OSGIN2: variants seen among roughly 807,000 people sequenced by gnomAD.
The protein encoded by OSGIN2 is oxidative stress-induced growth inhibitor 2.
OSGIN2 carries 19 observed loss-of-function variants against 53.8 expected under a neutral mutation model. That is an observed-to-expected ratio of 0.35 (90% confidence interval 0.25 to 0.52). The LOEUF (loss-of-function observed/expected upper bound fraction) is 0.52, where lower values mean the gene tolerates loss of function less well. Ranked by LOEUF, OSGIN2 falls within the 20% of genes least tolerant of loss-of-function variation. The pLI is 0.95. For synonymous variants in OSGIN2, 236 were observed against 236.0 expected, an observed-to-expected ratio of 1.00 and a Z score of 0.00; for missense variants, 520 against 662.7, an observed-to-expected ratio of 0.78 and a Z score of 2.36.
chr8:89,927,257 T>C lies in OSGIN2; in HGVS notation c.*1725T>C, dbSNP rs1470230387. ...CTTGTGTCTCAAAAGTCCACAGTTATTCAAACAATGGCTTTTTTTGTGATG... is the reference window on the plus strand; with the variant it reads ...CTTGTGTCTCAAAAGTCCACAGTTACTCAAACAATGGCTTTTTTTGTGATG... On this transcript the variant is annotated 3_prime_UTR_variant, in exon 6 of 6. Coordinates refer to ENST00000451899, the MANE Select transcript of OSGIN2 (RefSeq NM_001126111.3). The C allele has an allele frequency of 6.6e-6, 1 of 151,556 alleles. No homozygotes were observed. The highest frequency in any genetic ancestry group is 6.6e-5 in the Admixed American group (1 of 15,220). The allele number at this position is 151,556 out of a possible 1,614,324, so 9.4% of individuals were successfully genotyped here.
chr8:89,921,019 A>C (rs1054365597), intron 4 of OSGIN2, 61 bp from the exon 5 acceptor site: 4 of 1,019,960 alleles, frequency 3.9e-6, no homozygotes, highest in African/African-American at 3.2e-5. Context: ...AAAACAGACC[A>C]AAAAAAACCA....
intron 2 of OSGIN2, 82 bp from the exon 3 acceptor site, chr8:89,913,995 C>G: frequency 8.8e-7 from 1 of 1,135,322 alleles, no homozygotes; most frequent in Non-Finnish European, 1.3e-6. Flanking sequence ...AGAAAAGAGC[C>G]ATCTTCAAAG....
intron 2 of OSGIN2, 75 bp from the exon 3 acceptor site, chr8:89,914,001 CA>C (rs1809024173): frequency 1.6e-6 from 2 of 1,271,410 alleles, no homozygotes; most frequent in Non-Finnish European, 2.2e-6. Flanking sequence ...GAGCCATCTT[CA>C]AAGTAGGACA....
At chr8:89,921,411 G>T in intron 5 of OSGIN2, 8 of 380,196 alleles carry the variant, frequency 2.1e-5, no homozygotes, top group Admixed American at 8.5e-5. Flanking sequence ...GTTAATCATG[G>T]GTTTATCTAC....
intron 4 of OSGIN2, among the ~76,000 whole-genome samples, chr8:89,920,575 T>C (rs1183069223): frequency 6.6e-6 from 1 of 152,212 alleles, no homozygotes; most frequent in South Asian, 2.1e-4. Flanking sequence ...GATGCTGCTG[T>C]ATCCACATCA....
At chr8:89,918,132 A>T (rs143755964) in intron 4 of OSGIN2, among the ~76,000 whole-genome samples, 1 of 152,256 alleles carries the variant, frequency 6.6e-6, no homozygotes, top group Non-Finnish European at 1.5e-5. Context: ...AAAGTCGGTA[A>T]CTTTCTTTTT....
chr8:89,915,582 TC>T (rs1809061211), intron 4 of OSGIN2, among the ~76,000 whole-genome samples: 1 of 152,234 alleles, frequency 6.6e-6, no homozygotes, highest in African/African-American at 2.4e-5. Flanking sequence ...TGTTCATCCT[TC>T]CTGTGTTCTT....
intron 4 of OSGIN2, among the ~76,000 whole-genome samples, chr8:89,920,468 C>T (rs553462870): frequency 1.1e-4 from 16 of 152,240 alleles, no homozygotes; most frequent in African/African-American, 3.9e-4. Context: ...TTGAACAAAG[C>T]AGAAATAAGT....
intron 1 of OSGIN2, among the ~76,000 whole-genome samples, chr8:89,909,182 A>G (rs1333694667): frequency 6.6e-6 from 1 of 151,414 alleles, no homozygotes; most frequent in African/African-American, 2.4e-5. Context: ...GTATGACTAT[A>G]TATTGTATTT....
At chr8:89,903,446 C>T (rs914565591) in intron 1 of OSGIN2, among the ~76,000 whole-genome samples, 3 of 152,168 alleles carry the variant, frequency 2.0e-5, no homozygotes, top group Admixed American at 1.3e-4. Context: ...ACACCTCAGT[C>T]ATTGGTGGAA....
At chr8:89,902,355 G>C (rs150164176), upstream of OSGIN2, among the ~76,000 whole-genome samples, 889 of 152,260 alleles carry the variant, frequency 5.8e-3, 7 homozygotes, top group African/African-American at 0.02. Flanking sequence ...ATTGCCGCCG[G>C]TCGAGCCGCG....
chr8:89,902,434 G>A (rs1001612880), upstream of OSGIN2: 3 of 151,968 alleles, frequency 2.0e-5, no homozygotes, highest in Non-Finnish European at 4.4e-5. Flanking sequence ...CCCCTCGCCC[G>A]GGCCGTGGCT....
At chr8:89,906,575 C>A (rs944284069) in intron 1 of OSGIN2, among the ~76,000 whole-genome samples, 1 of 151,702 alleles carries the variant, frequency 6.6e-6, no homozygotes, top group Non-Finnish European at 1.5e-5. Context: ...ATAAGGGCCT[C>A]CAGCTCCATC....
chr8:89,915,241 G>A (rs1809053841), intron 4 of OSGIN2, among the ~76,000 whole-genome samples: 1 of 152,162 alleles, frequency 6.6e-6, no homozygotes, highest in African/African-American at 2.4e-5. Flanking sequence ...CCAAGATGAA[G>A]GTTCCAGCCA....
At chr8:89,916,198 C>T (rs972773185) in intron 4 of OSGIN2, among the ~76,000 whole-genome samples, 2 of 152,064 alleles carry the variant, frequency 1.3e-5, no homozygotes, top group South Asian at 4.1e-4. Context: ...ACATTTTTTC[C>T]GCTTAGAAGA....
chr8:89,911,580 C>T (rs750377896), intron 2 of OSGIN2, among the ~76,000 whole-genome samples: 6 of 146,144 alleles, frequency 4.1e-5, no homozygotes, highest in Non-Finnish European at 7.5e-5. Context: ...CAGTGAGCCG[C>T]GATTGCGCCA....
intron 5 of OSGIN2, among the ~76,000 whole-genome samples, chr8:89,923,347 GT>G (rs1157177933): frequency 1.5e-4 from 23 of 152,158 alleles, no homozygotes; most frequent in African/African-American, 5.1e-4. Context: ...AAAATCTAAA[GT>G]TAATTCTAAA....
In OSGIN2 at chr8:89,924,840, G is replaced by A. The variant is rs776560158; in HGVS notation, c.958G>A (p.Glu320Lys). The A allele has an allele frequency of 1.2e-6, 2 of 1,614,060 alleles. No homozygotes were observed. Among genetic ancestry groups the A allele is most frequent in the Non-Finnish European group, 1.7e-6 (2 of 1,180,030 alleles). ...DSPAHLEIEG[E>K]DFPFVFHSMP... ...TCCTGCCCATCTGGAAATTGAAGGG[G>A]AAGATTTTCCTTTTGTGTTTCATTC... Residue 320 changes from glutamate (E) to lysine (K), a missense_variant, in exon 6 of 6, where the codon GAA becomes AAA. Physicochemically the swap from Glu to Lys is moderately conservative, Grantham distance 56 (BLOSUM62 1). Around this residue, in one of 3 missense-constraint regions of OSGIN2, gnomAD observed 239 missense variants for 328.3 expected, o/e 0.73. Coordinates refer to ENST00000451899, the MANE Select transcript of OSGIN2 (RefSeq NM_001126111.3).
intron 5 of OSGIN2, among the ~76,000 whole-genome samples, chr8:89,922,619 T>A (rs1809230675): frequency 2.0e-5 from 3 of 152,218 alleles, no homozygotes. Flanking sequence ...TAGAGATTGG[T>A]GGAGTTTGAG....
Sources: allele counts gnomAD v4.1 joint callset (sites outside exome capture counted in the v4.1 genomes callset), GRCh38; gene constraint gnomAD v4.1.1; regional missense constraint gnomAD v4.1.1; transcripts MANE v1.5; gene names NCBI Gene and HGNC (gene_info 2026-07-23, HGNC 2026-07-21).